Variants in NCKAP5 observed in about 807,000 individuals in gnomAD.
The protein encoded by NCKAP5 is NCK associated protein 5.
A neutral mutation model predicts 167.0 loss-of-function variants in NCKAP5; 92 were observed. The observed-to-expected ratio is 0.55, with a 90% CI of 0.47 to 0.66. The LOEUF is 0.66. Ranked by LOEUF, NCKAP5 falls within the 30% of genes least tolerant of loss-of-function variation. The pLI is 0.00. For missense variants in NCKAP5, 2,378 were observed against 2,315.0 expected (o/e 1.03, Z -0.56); for synonymous variants, 891 against 877.4 (o/e 1.02, Z -0.27).
At chr2:133,577,503 T>C in the NCKAP5 span, among the ~76,000 whole-genome samples, 3 of 152,188 alleles carry the variant, frequency 2.0e-5, no homozygotes, top group Admixed American at 2.0e-4. Context: ...TTTCTTCTTT[T>C]TTTTAATAGG....
intron 19 of NCKAP5, among the ~76,000 whole-genome samples, chr2:132,696,078 G>A (rs1396608102): frequency 1.3e-5 from 2 of 152,222 alleles, no homozygotes; most frequent in Non-Finnish European, 2.9e-5. Context: ...TGGAATAAAT[G>A]TGATGGTGCA....
At chr2:132,897,885 G>A (rs1000632003) in intron 8 of NCKAP5, among the ~76,000 whole-genome samples, 12 of 152,208 alleles carry the variant, frequency 7.9e-5, no homozygotes, top group African/African-American at 2.7e-4. Context: ...TGCTAGTGGA[G>A]GGTTTTGTCT....
intron 2 of NCKAP5, among the ~76,000 whole-genome samples, chr2:133,544,321 T>G (rs1686475341): frequency 6.6e-6 from 1 of 152,240 alleles, no homozygotes; most frequent in Non-Finnish European, 1.5e-5. Context: ...TATATCATTC[T>G]TTTTAAAAAG....
Position 133,309,464 on chromosome 2 carries a change from A to G in NCKAP5, c.70-6354T>C, listed in dbSNP as rs183502524. Among the ~76,000 whole-genome samples the G allele has an allele frequency of 4.7e-3, 708 of 152,224 alleles. 6 individuals are homozygous for G. Among genetic ancestry groups the G allele is most frequent in the African/African-American group, 0.016 (655 of 41,540 alleles). On this transcript the variant is annotated intron_variant, in intron 3 of 19. Coordinates refer to ENST00000409261, the MANE Select transcript of NCKAP5 (RefSeq NM_207363.3). ...ATAAAAGCATTTCACCAAAGTTAGG[A>G]TTAAGGGGGCTGAAGGTGGGGGGCA...
At chr2:133,331,824 T>C (rs1240382783) in intron 3 of NCKAP5, among the ~76,000 whole-genome samples, 2 of 152,164 alleles carry the variant, frequency 1.3e-5, no homozygotes, top group Admixed American at 6.5e-5. Flanking sequence ...AAGTGACAAA[T>C]AATGACTGCA....
intron 10 of NCKAP5, among the ~76,000 whole-genome samples, chr2:132,866,901 C>A (rs901712504): frequency 3.9e-5 from 6 of 151,992 alleles, no homozygotes; most frequent in African/African-American, 1.4e-4. Context: ...AAATTTTAGT[C>A]TTTTTGCAGC....
At chr2:132,803,990 G>C (rs997893235) in intron 11 of NCKAP5, among the ~76,000 whole-genome samples, 2 of 152,186 alleles carry the variant, frequency 1.3e-5, no homozygotes, top group Non-Finnish European at 2.9e-5. Flanking sequence ...TTAAATGTAT[G>C]TAAGAGAATA....
At chr2:133,527,208 A>C (rs781463656) in intron 2 of NCKAP5, 1 of 152,198 alleles carries the variant, frequency 6.6e-6, no homozygotes, top group South Asian at 2.1e-4. Flanking sequence ...ACAACTTGTT[A>C]AGAAAACTGT....
intron 19 of NCKAP5, among the ~76,000 whole-genome samples, chr2:132,695,361 C>T (rs997259288): frequency 5.3e-5 from 8 of 151,982 alleles, no homozygotes; most frequent in African/African-American, 1.9e-4. Flanking sequence ...CCTGGAAGGT[C>T]GGTTGAGAGT....
chr2:133,422,124 G>T (rs995697442), intron 3 of NCKAP5, among the ~76,000 whole-genome samples: 2 of 152,210 alleles, frequency 1.3e-5, no homozygotes, highest in African/African-American at 4.8e-5. Context: ...GGCTGGGGAG[G>T]TATGGAGCAA....
At chr2:133,252,239 A>G (rs2088379603) in intron 4 of NCKAP5, among the ~76,000 whole-genome samples, 2 of 152,174 alleles carry the variant, frequency 1.3e-5, no homozygotes, top group Non-Finnish European at 2.9e-5. Flanking sequence ...CAATGAGGAG[A>G]GAGTTCCTGG....
At chr2:132,717,112 A>G (rs1014686136) in intron 19 of NCKAP5, among the ~76,000 whole-genome samples, 1 of 152,226 alleles carries the variant, frequency 6.6e-6, no homozygotes, top group Non-Finnish European at 1.5e-5. Flanking sequence ...CAAGGGTCTC[A>G]GAGCAGCCTG....
chr2:132,971,106 T>C (rs1191844517), intron 7 of NCKAP5, among the ~76,000 whole-genome samples: 1 of 152,258 alleles, frequency 6.6e-6, no homozygotes, highest in African/African-American at 2.4e-5. Context: ...GTGTGGCCCC[T>C]GTTCTCATGG....
intron 19 of NCKAP5, among the ~76,000 whole-genome samples, chr2:132,713,099 C>A (rs34973688): frequency 0.27 from 35,769 of 133,000 alleles, 4,778 homozygotes; most frequent in East Asian, 0.49. Context: ...CTCCCTTTTG[C>A]GTAAGAAATG....
At chr2:133,273,505 G>T (rs367862771) in intron 4 of NCKAP5, among the ~76,000 whole-genome samples, 20 of 152,054 alleles carry the variant, frequency 1.3e-4, no homozygotes, top group African/African-American at 4.6e-4. Flanking sequence ...TTTTTAGAAG[G>T]GGGAGGAGGA....
At chr2:133,622,631 C>T in the NCKAP5 span, among the ~76,000 whole-genome samples, 1 of 152,006 alleles carries the variant, frequency 6.6e-6, no homozygotes, top group African/African-American at 2.4e-5. Context: ...AGGAAAACTA[C>T]AAAACACTGT....
chr2:132,826,781 T>A (rs1007304271), intron 11 of NCKAP5, among the ~76,000 whole-genome samples: 1 of 152,180 alleles, frequency 6.6e-6, no homozygotes, highest in African/African-American at 2.4e-5. Context: ...AAATAGGACA[T>A]CCTGGGTTTA....
intron 4 of NCKAP5, among the ~76,000 whole-genome samples, chr2:133,265,259 G>T (rs1442923675): frequency 6.6e-6 from 1 of 152,192 alleles, no homozygotes; most frequent in African/African-American, 2.4e-5. Context: ...ATAAAACTCA[G>T]AAGCCTCAAG....
At chr2:133,325,876 T>C (rs1682401625) in intron 3 of NCKAP5, among the ~76,000 whole-genome samples, 1 of 152,208 alleles carries the variant, frequency 6.6e-6, no homozygotes, top group Non-Finnish European at 1.5e-5. Context: ...TACATTGTGT[T>C]TGGATATGAC....
Sources: allele counts gnomAD v4.1 joint callset (sites outside exome capture counted in the v4.1 genomes callset), GRCh38; gene constraint gnomAD v4.1.1; transcripts MANE v1.5; gene names NCBI Gene and HGNC (gene_info 2026-07-23, HGNC 2026-07-21).